HDAC9: variants seen among roughly 807,000 people sequenced by gnomAD.
HDAC9 encodes the protein MEF-2 interacting transcription repressor (MITR) protein.
In HDAC9, 41 loss-of-function variants were observed where a neutral mutation model predicts 139.4. That is an observed-to-expected ratio of 0.29 (90% CI 0.23 to 0.38). HDAC9 has a LOEUF of 0.38. Among genes scored for constraint, HDAC9 ranks in the 10% least tolerant of loss-of-function variants. The probability of loss-of-function intolerance (pLI) is 1.00; values close to 1 mark genes in which losing one functional copy is unlikely to be tolerated. For synonymous variants in HDAC9, 517 were observed against 476.2 expected, an observed-to-expected ratio of 1.09 and a Z score of -1.12; for missense variants, 1,147 against 1,297.0, an observed-to-expected ratio of 0.88 and a Z score of 1.78.
intron 2 of HDAC9, among the ~76,000 whole-genome samples, chr7:18,581,741 A>G (rs1363604710): frequency 6.6e-6 from 1 of 152,192 alleles, no homozygotes; most frequent in Non-Finnish European, 1.5e-5. Flanking sequence ...CTTTTAGTTA[A>G]TATTCAAAAT....
chr7:18,162,268 G>A lies in HDAC9; in HGVS notation c.-57G>A, dbSNP rs553848214. The A allele has an allele frequency of 1.7e-4, 253 of 1,502,990 alleles. 1 individual carries two copies. The East Asian group carries it at 4.4e-3, about 26-fold the overall frequency. 93.1% of individuals were successfully genotyped at this position (1,502,990 alleles called of 1,614,324 possible). A position where few individuals can be genotyped will look rare whatever the true frequency, so the allele number is the denominator to read the frequency against. On this transcript the variant is annotated 5_prime_UTR_variant, in exon 2 of 13. Transcript: ENST00000417496. The stretch of plus-strand genomic sequence containing the variant: ...AACCCCTCCTGGACCATTGTCAGCA[G>A]TTGAACGACAAAGGCTGTGAATCTG...
intron 1 of HDAC9, among the ~76,000 whole-genome samples, chr7:18,466,260 G>A (rs1489190099): frequency 6.6e-6 from 1 of 152,078 alleles, no homozygotes; most frequent in Non-Finnish European, 1.5e-5. Context: ...GCAGTGGCGT[G>A]ATTTCAGCTC....
At chr7:18,696,860 A>C (rs562181093) in intron 12 of HDAC9, among the ~76,000 whole-genome samples, 19 of 152,152 alleles carry the variant, frequency 1.2e-4, no homozygotes, top group African/African-American at 1.9e-4. Context: ...TTTGGCACTT[A>C]TCAAACAGAA....
At chr7:18,326,235 T>A (rs914379646) in intron 1 of HDAC9, among the ~76,000 whole-genome samples, 1 of 152,084 alleles carries the variant, frequency 6.6e-6, no homozygotes, top group Non-Finnish European at 1.5e-5. Context: ...GGTTTTGGCC[T>A]TTACTTTCAA....
chr7:18,153,659 A>C (rs2128121446), intron 1 of HDAC9, among the ~76,000 whole-genome samples: 1 of 152,176 alleles, frequency 6.6e-6, no homozygotes, highest in South Asian at 2.1e-4. Flanking sequence ...TTTCCTTTTG[A>C]TTTAGTTCTA....
intron 12 of HDAC9, among the ~76,000 whole-genome samples, chr7:18,720,445 C>A (rs138317642): frequency 6.6e-6 from 1 of 151,496 alleles, no homozygotes; most frequent in African/African-American, 2.4e-5. Flanking sequence ...GTGTCATTAA[C>A]GGCTTTCTTA....
At chr7:18,687,700 A>T (rs1308646480) in intron 12 of HDAC9, among the ~76,000 whole-genome samples, 4 of 151,930 alleles carry the variant, frequency 2.6e-5, no homozygotes, top group African/African-American at 9.7e-5. Context: ...TTAATGGACT[A>T]GGCTATCCTG....
intron 14 of HDAC9, among the ~76,000 whole-genome samples, chr7:18,752,064 T>C (rs1788496605): frequency 6.6e-6 from 1 of 152,194 alleles, no homozygotes; most frequent in Non-Finnish European, 1.5e-5. Context: ...ACTATGTTAT[T>C]AAGCCATCTT....
chr7:18,957,307 T>C (rs1783221022), intron 24 of HDAC9, among the ~76,000 whole-genome samples: 1 of 152,166 alleles, frequency 6.6e-6, no homozygotes, highest in South Asian at 2.1e-4. Flanking sequence ...AAAAGAGCCC[T>C]CTAATGTCCA....
intron 2 of HDAC9, among the ~76,000 whole-genome samples, chr7:18,205,677 A>G (rs1051283038): frequency 1.1e-4 from 17 of 152,040 alleles, no homozygotes; most frequent in Admixed American, 1.3e-4. Context: ...AAATCCTATA[A>G]TCTTCTCCCT....
At chr7:18,279,471 C>CT (rs994413055) in intron 2 of HDAC9, among the ~76,000 whole-genome samples, 6 of 149,628 alleles carry the variant, frequency 4.0e-5, no homozygotes, top group South Asian at 2.1e-4. Flanking sequence ...TTTGTATTTA[C>CT]TTTTTTTTTG....
chr7:18,732,190 T>C lies in HDAC9; in HGVS notation c.1909+4433T>C, dbSNP rs533367467. On this transcript the variant is annotated intron_variant, in intron 13 of 25. Transcript: ENST00000686413. ...TAACTGTTATATATTAATTGAACTT[T>C]CGTGGTAACATTTATACTTTTGAGA... Among the ~76,000 whole-genome samples, 4 of 152,296 alleles carry C rather than the reference T, an allele frequency of 2.6e-5. No individual in the cohort carries two copies. In the East Asian group the frequency reaches 7.7e-4, roughly 29 times the overall value.
intron 6 of HDAC9, among the ~76,000 whole-genome samples, chr7:18,595,876 C>T (rs1832335748): frequency 6.6e-6 from 1 of 152,052 alleles, no homozygotes; most frequent in African/African-American, 2.4e-5. Flanking sequence ...GCCATGCGAA[C>T]AGCTTAAGGT....
At chr7:18,769,290 C>A (rs1441030331) in intron 16 of HDAC9, among the ~76,000 whole-genome samples, 3 of 152,174 alleles carry the variant, frequency 2.0e-5, no homozygotes, top group African/African-American at 7.2e-5. Context: ...CTTTAGTAAA[C>A]TCTTCAAAAT....
At chr7:18,110,613 C>A (rs907852618) in intron 1 of HDAC9, among the ~76,000 whole-genome samples, 3 of 152,092 alleles carry the variant, frequency 2.0e-5, no homozygotes, top group Admixed American at 2.0e-4. Flanking sequence ...TGTGTAAGTG[C>A]TGGGGTAAAG....
chr7:18,134,885 T>C (rs997333258), intron 1 of HDAC9, among the ~76,000 whole-genome samples: 2 of 152,214 alleles, frequency 1.3e-5, no homozygotes, highest in African/African-American at 2.4e-5. Flanking sequence ...TTTGTTTTTA[T>C]GCATGACAAT....
At chr7:18,198,485 C>G (rs1790877666) in intron 2 of HDAC9, among the ~76,000 whole-genome samples, 1 of 152,060 alleles carries the variant, frequency 6.6e-6, no homozygotes, top group Non-Finnish European at 1.5e-5. Context: ...CTGTGTTTAC[C>G]ATACTTCATT....
chr7:18,115,231 T>C (rs1444779598), intron 1 of HDAC9, among the ~76,000 whole-genome samples: 3 of 151,538 alleles, frequency 2.0e-5, no homozygotes, highest in Admixed American at 6.6e-5. Context: ...AGGCAGAGCT[T>C]GCAGTGAGCA....
At chr7:18,337,064 T>G (rs890207607) in intron 1 of HDAC9, among the ~76,000 whole-genome samples, 4 of 151,654 alleles carry the variant, frequency 2.6e-5, no homozygotes, top group Admixed American at 2.0e-4. Flanking sequence ...TCAGAAACAG[T>G]GATAGAGTAA....
Sources: allele counts gnomAD v4.1 joint callset (sites outside exome capture counted in the v4.1 genomes callset), GRCh38; gene constraint gnomAD v4.1.1; transcripts MANE v1.5; gene names NCBI Gene and HGNC (gene_info 2026-07-23, HGNC 2026-07-21).